The following KIAA1328 variants were observed in gnomAD, a reference collection of about 807,000 sequenced individuals.
KIAA1328 encodes the protein protein hinderin.
A neutral mutation model predicts 68.1 loss-of-function variants in KIAA1328; 52 were observed. That is an observed-to-expected ratio of 0.76 (90% CI 0.61 to 0.96). KIAA1328 has a LOEUF of 0.96. KIAA1328 is among the 40% of genes least tolerant of loss of function. KIAA1328 has a pLI of 0.00. For synonymous variants in KIAA1328, 232 were observed against 239.4 expected (o/e 0.97, Z 0.28); for missense variants, 641 against 677.6 (o/e 0.95, Z 0.60).
At chr18:37,094,448 A>G (rs1276072691) in intron 7 of KIAA1328, among the ~76,000 whole-genome samples, 1 of 152,330 alleles carries the variant, frequency 6.6e-6, no homozygotes, top group East Asian at 1.9e-4. Context: ...CAGACAGCCA[A>G]TAACTGAGGG....
intron 7 of KIAA1328, among the ~76,000 whole-genome samples, chr18:37,070,630 G>A (rs2056491354): frequency 6.6e-6 from 1 of 151,040 alleles, no homozygotes; most frequent in African/African-American, 2.4e-5. Context: ...GAGTGCAGTG[G>A]CACCATGTTG....
intron 6 of KIAA1328, among the ~76,000 whole-genome samples, chr18:37,061,700 C>T (rs182323228): frequency 6.6e-6 from 1 of 152,180 alleles, no homozygotes. Flanking sequence ...TTCCTTGTGT[C>T]CTAAAGGCAA....
chr18:36,870,792 G>A (rs868073444), intron 4 of KIAA1328, among the ~76,000 whole-genome samples: 7 of 152,176 alleles, frequency 4.6e-5, no homozygotes, highest in Non-Finnish European at 7.3e-5. Flanking sequence ...GTATTTAGTT[G>A]TCACATCCCC....
chr18:36,905,632 GT>G (rs2151048467), intron 5 of KIAA1328, among the ~76,000 whole-genome samples: 1 of 152,166 alleles, frequency 6.6e-6, no homozygotes, highest in East Asian at 1.9e-4. Context: ...TCATTATACT[GT>G]CATTTCTACC....
intron 7 of KIAA1328, among the ~76,000 whole-genome samples, chr18:37,099,679 A>G (rs1339192665): frequency 1.3e-5 from 2 of 152,114 alleles, no homozygotes; most frequent in Admixed American, 6.6e-5. Context: ...GTGGGTTGTT[A>G]AAGTCTCCCA....
chr18:36,835,069 C>A (rs2046626967), intron 2 of KIAA1328, among the ~76,000 whole-genome samples, 165 bp from the exon 3 acceptor site: 1 of 152,032 alleles, frequency 6.6e-6, no homozygotes, highest in African/African-American at 2.4e-5. Flanking sequence ...AAAACATATT[C>A]TTTTTATGAT....
At chr18:36,874,406 G>A (rs978276062) in intron 4 of KIAA1328, among the ~76,000 whole-genome samples, 2 of 152,102 alleles carry the variant, frequency 1.3e-5, no homozygotes, top group African/African-American at 4.8e-5. Context: ...ATCTCATTGT[G>A]GTTTTGATTT....
intron 5 of KIAA1328, 30 bp downstream of exon 5, chr18:36,885,702 G>A (rs373484258): frequency 8.8e-6 from 12 of 1,356,602 alleles, no homozygotes; most frequent in Non-Finnish European, 1.2e-5. Context: ...CTTTTTTAAC[G>A]TTCAAGAAGT....
Position 37,223,940 on chromosome 18 carries a change from A to T in KIAA1328, c.*1713A>T. The T allele has an allele frequency of 1.0e-6, 1 of 985,044 alleles. No individual in the cohort carries two copies. Among genetic ancestry groups the T allele is most frequent in the Non-Finnish European group, 1.2e-6 (1 of 829,550 alleles). 61.0% of individuals were successfully genotyped at this position (985,044 alleles called of 1,614,324 possible). Reference sequence around the variant, plus strand: ...TATAATCATTCCCTTAAAAAGTTGGAAAATCATTACAGATTAAAATTTCTT... The same window carrying T: ...TATAATCATTCCCTTAAAAAGTTGGTAAATCATTACAGATTAAAATTTCTT... On this transcript the variant is annotated 3_prime_UTR_variant, in exon 10 of 10. Coordinates refer to ENST00000280020, the MANE Select transcript of KIAA1328 (RefSeq NM_020776.3).
At chr18:37,097,473 G>T (rs2151853951) in intron 7 of KIAA1328, among the ~76,000 whole-genome samples, 1 of 152,286 alleles carries the variant, frequency 6.6e-6, no homozygotes, top group South Asian at 2.1e-4. Context: ...TTTGGTTACT[G>T]CAGCCTTGTA....
chr18:37,074,933 C>T (rs986051351), intron 7 of KIAA1328: 2 of 151,978 alleles, frequency 1.3e-5, no homozygotes, highest in Non-Finnish European at 2.9e-5. Flanking sequence ...GGAGAACTTC[C>T]CCAATCTAGC....
intron 6 of KIAA1328, among the ~76,000 whole-genome samples, chr18:37,020,427 CGTAA>C (rs1360495855): frequency 1.3e-5 from 2 of 152,158 alleles, no homozygotes; most frequent in African/African-American, 2.4e-5. Flanking sequence ...CCAGCCGAAA[CGTAA>C]GTATTTCTTA....
chr18:36,993,301 A>C (rs1292429155), intron 6 of KIAA1328, among the ~76,000 whole-genome samples: 1 of 152,202 alleles, frequency 6.6e-6, no homozygotes, highest in Non-Finnish European at 1.5e-5. Context: ...GACATCTTAC[A>C]CTCTATGACT....
At chr18:37,180,899 G>A (rs959654782) in intron 9 of KIAA1328, among the ~76,000 whole-genome samples, 1 of 152,092 alleles carries the variant, frequency 6.6e-6, no homozygotes, top group African/African-American at 2.4e-5. Flanking sequence ...TTCGTTAAAT[G>A]CCAGTTATGT....
intron 7 of KIAA1328, 142 bp downstream of exon 7, chr18:37,067,687 G>A: frequency 2.2e-6 from 2 of 889,710 alleles, no homozygotes; most frequent in Non-Finnish European, 3.3e-6. Flanking sequence ...AGCCTCCCGA[G>A]TAGCTGGGAT....
intron 6 of KIAA1328, among the ~76,000 whole-genome samples, chr18:37,003,171 C>T (rs952777213): frequency 4.0e-5 from 6 of 151,868 alleles, no homozygotes; most frequent in Non-Finnish European, 4.4e-5. Flanking sequence ...CCCCATCTCT[C>T]GATGTACACA....
chr18:36,927,982 A>G (rs1164521691), intron 5 of KIAA1328, among the ~76,000 whole-genome samples: 6 of 152,194 alleles, frequency 3.9e-5, no homozygotes, highest in East Asian at 1.9e-4. Flanking sequence ...ACAGAAATAC[A>G]TATATATAAT....
At position 37,203,224 on chromosome 18, in the gene KIAA1328, C is replaced by T. The variant is rs540080651; in HGVS notation, c.1524-18793C>T. The stretch of plus-strand genomic sequence containing the variant: ...ACAAAACCTTATAAACAGATCCACC[C>T]AATCTCAGTCAGCTCTGACCACACA... On this transcript the variant is annotated intron_variant, in intron 9 of 9. Transcript: ENST00000280020. Among the ~76,000 whole-genome samples, 3 of 152,116 alleles carry T rather than the reference C, an allele frequency of 2.0e-5. No individual in the cohort carries two copies. The South Asian group carries it at 6.2e-4, about 31-fold the overall frequency.
intron 5 of KIAA1328, among the ~76,000 whole-genome samples, chr18:36,912,195 G>T (rs997495779): frequency 3.9e-5 from 6 of 152,036 alleles, no homozygotes; most frequent in African/African-American, 1.4e-4. Context: ...TAACACAAAA[G>T]AAATTCTTAT....
Sources: allele counts gnomAD v4.1 joint callset (sites outside exome capture counted in the v4.1 genomes callset), GRCh38; gene constraint gnomAD v4.1.1; transcripts MANE v1.5; gene names NCBI Gene and HGNC (gene_info 2026-07-23, HGNC 2026-07-21).